MAP7D1: variants seen among roughly 807,000 people sequenced by gnomAD.
MAP7D1 encodes MAP7 domain containing 1.
In MAP7D1, 30 loss-of-function variants were observed where a neutral mutation model predicts 97.5. That is an observed-to-expected ratio of 0.31 (90% CI 0.23 to 0.42). MAP7D1 has a LOEUF of 0.42. Among genes scored for constraint, MAP7D1 ranks in the 10% least tolerant of loss-of-function variants. The pLI, the probability that MAP7D1 is intolerant of heterozygous loss-of-function variation, is 1.00. For synonymous variants in MAP7D1, 536 were observed against 477.1 expected (o/e 1.12, Z -1.61); for missense variants, 1,184 against 1,179.5 (o/e 1.00, Z -0.06).
rs940990014 is a variant in MAP7D1 at position 36,179,041 on chromosome 1, C to T, written c.2130+16C>T. 12 of 443,576 alleles carry T rather than the reference C, an allele frequency of 2.7e-5. No individual in the cohort carries two copies. Among genetic ancestry groups the T allele is most frequent in the Non-Finnish European group, 3.9e-5 (10 of 256,298 alleles). The allele number at this position is 443,576 out of a possible 1,614,324, so 27.5% of individuals were successfully genotyped here. Reference sequence around the variant, plus strand: ...GCGCAGAAAGGTGTGCGGACCTGGGCGGGGATTTGTGGGCGGGGCCTGGGC... The same window carrying T: ...GCGCAGAAAGGTGTGCGGACCTGGGTGGGGATTTGTGGGCGGGGCCTGGGC... On this transcript the variant is annotated intron_variant, in intron 12 of 16. Coordinates refer to ENST00000474796, the MANE Select transcript of MAP7D1 (RefSeq NM_001388490.1).
chr1:36,178,744 A>C lies in MAP7D1; in HGVS notation c.1946A>C (p.Glu649Ala). The change falls in exon 11 of 17, where the codon GAG becomes GCG. Residue 649 changes from glutamate to alanine, a missense_variant. Transcript: ENST00000474796. ...GAGGCCCGGGCGGAGCGGGAGGCGG[A>C]GGCCCGGAGGCGGGAGGAGCAGGAG... is the stretch of plus-strand genomic sequence containing the variant. ...EAEARAEREA[E>A]ARRREEQEAR... 2 of 1,544,276 alleles carry C rather than the reference A, an allele frequency of 1.3e-6. No individual in the cohort carries two copies. The highest frequency in any genetic ancestry group is 2.4e-5 in the East Asian group (1 of 40,828).
rs1644382900 is a variant in MAP7D1 at position 36,159,730 on chromosome 1, G to C, written c.46+3267G>C. 6.6e-6 allele frequency among the ~76,000 whole-genome samples: 1 copy of C among 152,230 alleles called. No individual in the cohort carries two copies. Among genetic ancestry groups the C allele is most frequent in the Admixed American group, 6.5e-5 (1 of 15,282 alleles). ...CTGCAGGGAAACCAGGTATAATGGT[G>C]TTAGTGTGCAGTGGGCTGTGCTTGT... On this transcript the variant is annotated intron_variant, in intron 1 of 16. Transcript: ENST00000474796. The surrounding 1 kb of genome is among the most constrained non-coding windows in gnomAD (Gnocchi z 5.4).
rs149189143 is a variant in MAP7D1 at position 36,179,036 on chromosome 1, C to T, written c.2130+11C>T. The T allele has an allele frequency of 4.5e-3, 5,175 of 1,152,116 alleles. 10 individuals carry two copies. Among genetic ancestry groups the T allele is most frequent in the Middle Eastern group, 8.6e-3 (33 of 3,830 alleles). The allele number at this position is 1,152,116 out of a possible 1,614,324, so 71.4% of individuals were successfully genotyped here. ...CAAGAGCGCAGAAAGGTGTGCGGACCTGGGCGGGGATTTGTGGGCGGGGCC... is the reference window on the plus strand; with the variant it reads ...CAAGAGCGCAGAAAGGTGTGCGGACTTGGGCGGGGATTTGTGGGCGGGGCC... On this transcript the variant is annotated intron_variant, in intron 12 of 16. Coordinates refer to ENST00000474796, the MANE Select transcript of MAP7D1 (RefSeq NM_001388490.1).
intron 2 of MAP7D1, 52 bp downstream of exon 2, chr1:36,171,367 G>A: frequency 6.5e-7 from 1 of 1,545,876 alleles, no homozygotes; most frequent in South Asian, 1.2e-5. Context: ...CAGGGTCCTG[G>A]CCCTGGATCA....
intron 8 of MAP7D1, chr1:36,177,630 C>T (rs930444308): frequency 2.7e-6 from 2 of 746,220 alleles, no homozygotes; most frequent in African/African-American, 1.8e-5. Flanking sequence ...ATGGTTTTTT[C>T]TCTTATTAAG....
intron 1 of MAP7D1, among the ~76,000 whole-genome samples, chr1:36,163,964 A>G (rs932857508): frequency 1.3e-5 from 2 of 151,568 alleles, no homozygotes; most frequent in African/African-American, 4.9e-5. Flanking sequence ...AGCTGGGACT[A>G]CAGGTGTGCA....
At position 36,156,457 on chromosome 1, in the gene MAP7D1, C is replaced by T. The variant is rs1393199768; in HGVS notation, c.40C>T (p.Pro14Ser). The T allele has an allele frequency of 2.0e-6, 3 of 1,466,826 alleles. No individual in the cohort carries two copies. The South Asian group carries it at 3.9e-5, about 19-fold the overall frequency. The allele number at this position is 1,466,826 out of a possible 1,614,324, so 90.9% of individuals were successfully genotyped here. ...GPRAELGAGA[P>S]PAVVARTPPE... ...GCGTGCGGAGCTGGGGGCGGGCGCA[C>T]CCCCAGGTATGCCGGGAGCCACGCG... The change falls in exon 1 of 17, where the codon CCC becomes TCC. Residue 14 changes from proline (P) to serine (S), a missense_variant. Pro to Ser is a moderately conservative substitution (Grantham distance 74, BLOSUM62 -1). Coordinates refer to ENST00000474796, the MANE Select transcript of MAP7D1 (RefSeq NM_001388490.1).
intron 6 of MAP7D1, among the ~76,000 whole-genome samples, chr1:36,175,370 T>C (rs1351445814): frequency 6.6e-6 from 1 of 152,114 alleles, no homozygotes; most frequent in Admixed American, 6.5e-5. Context: ...CCAGGTGGCA[T>C]TGTCCCCATG....
At chr1:36,163,973 C>T (rs1247604148) in intron 1 of MAP7D1, among the ~76,000 whole-genome samples, 5 of 151,946 alleles carry the variant, frequency 3.3e-5, no homozygotes, top group Middle Eastern at 3.4e-3. Context: ...TACAGGTGTG[C>T]ACAACCACGC....
In MAP7D1 at chr1:36,156,217, G is replaced by A. The variant is rs1023659778; in HGVS notation, c.-201G>A. 9.2e-6 allele frequency: 4 copies of A among 436,372 alleles called. No homozygotes were observed. Among genetic ancestry groups the A allele is most frequent in the African/African-American group, 8.3e-5 (4 of 48,276 alleles). 27.0% of individuals were successfully genotyped at this position (436,372 alleles called of 1,614,324 possible). The stretch of plus-strand genomic sequence containing the variant: ...GGCGGGGAACGGGTTCGCGACCGCA[G>A]CCGAGAGACCCCGGGCGACCGGCAC... On this transcript the variant is annotated 5_prime_UTR_variant, in exon 1 of 17. Transcript: ENST00000474796.
At chr1:36,156,598 A>C in intron 1 of MAP7D1, 135 bp downstream of exon 1, 1 of 650,348 alleles carries the variant, frequency 1.5e-6, no homozygotes, top group Non-Finnish European at 2.3e-6. Context: ...TTAAAAATAA[A>C]GGCTGCGGCG....
Position 36,159,650 on chromosome 1 carries a change from C to T in MAP7D1, c.46+3187C>T, listed in dbSNP as rs781071412. 3.3e-5 allele frequency among the ~76,000 whole-genome samples: 5 copies of T among 152,162 alleles called. No homozygotes were observed. Among genetic ancestry groups the T allele is most frequent in the Admixed American group, 1.3e-4 (2 of 15,274 alleles). On this transcript the variant is annotated intron_variant, in intron 1 of 16. Coordinates refer to ENST00000474796, the MANE Select transcript of MAP7D1 (RefSeq NM_001388490.1). The surrounding 1 kb of genome is among the most constrained non-coding windows in gnomAD (Gnocchi z 5.4). The stretch of plus-strand genomic sequence containing the variant: ...GTGGACGGCAGAGAAGTGAATCAGA[C>T]GGAGTTTTGACTCTTGGGGAGCTCT...
At chr1:36,171,654 G>A in intron 3 of MAP7D1, 73 bp downstream of exon 3, 5 of 1,515,252 alleles carry the variant, frequency 3.3e-6, no homozygotes, top group Non-Finnish European at 4.6e-6. Flanking sequence ...CCAACAGGCT[G>A]GGGCGCAGTG....
At position 36,178,826 on chromosome 1, in the gene MAP7D1, G is replaced by T; in HGVS notation, c.2025+3G>T. ...AGCAGGAGCGGCTGCAGAAGCAGGTGCCCCCGGCGGGCGGGAAGCGGCTGG... is the reference window on the plus strand; with the variant it reads ...AGCAGGAGCGGCTGCAGAAGCAGGTTCCCCCGGCGGGCGGGAAGCGGCTGG... On this transcript the variant is annotated splice_donor_region_variant and intron_variant, in intron 11 of 16. Transcript: ENST00000474796. 6.5e-7 allele frequency: 1 copy of T among 1,531,602 alleles called. No homozygotes were observed. The highest frequency in any genetic ancestry group is 8.7e-7 in the Non-Finnish European group (1 of 1,144,928). The allele number at this position is 1,531,602 out of a possible 1,614,324, so 94.9% of individuals were successfully genotyped here. A position where few individuals can be genotyped will look rare whatever the true frequency, so the allele number is the denominator to read the frequency against.
At position 36,178,197 on chromosome 1, in the gene MAP7D1, T is replaced by C; in HGVS notation, c.1704T>C (p.Pro568=). The C allele has an allele frequency of 6.9e-7, 1 of 1,457,020 alleles. No individual in the cohort carries two copies. The highest frequency in any genetic ancestry group is 2.7e-5 in the East Asian group (1 of 36,804). The allele number at this position is 1,457,020 out of a possible 1,614,324, so 90.3% of individuals were successfully genotyped here. The part of the protein sequence containing the change: ...PQKEQPPAET[P]TDAAVLTSPP... ...AGGAGCAGCCCCCCGCGGAGACCCCTACAGGTAGGAATGAAGAGAGGGGAG... is the reference window on the plus strand; with the variant it reads ...AGGAGCAGCCCCCCGCGGAGACCCCCACAGGTAGGAATGAAGAGAGGGGAG... The change falls in exon 9 of 17, where the codon CCT becomes CCC. Residue 568 remains proline, a synonymous_variant. Transcript: ENST00000474796.
Position 36,179,775 on chromosome 1 carries a change from AG to A in MAP7D1, c.2318+22del. The A allele has an allele frequency of 6.5e-7, 1 of 1,538,112 alleles. No homozygotes were observed. Among genetic ancestry groups the A allele is most frequent in the Non-Finnish European group, 8.7e-7 (1 of 1,145,032 alleles). On this transcript the variant is annotated intron_variant, in intron 15 of 16. Transcript: ENST00000474796. The stretch of plus-strand genomic sequence containing the variant: ...AGTGGAGGTACCAGCTTCCAATCCC[AG>A]GGTCCCTGAGCAGGGAGGCAGACTG...
rs376011085 is a variant in MAP7D1, at chr1:36,171,105, T to C, written c.181T>C (p.Ser61Pro). Residue 61 changes from serine (S) to proline (P), a missense_variant, in exon 2 of 17, where the codon TCT (serine) becomes CCT (proline). Physicochemically the swap from Ser to Pro is moderately conservative, Grantham distance 74. Coordinates refer to ENST00000474796, the MANE Select transcript of MAP7D1 (RefSeq NM_001388490.1). The stretch of plus-strand genomic sequence containing the variant: ...TCCTGCCATGAAGAATGCCACTAGC[T>C]CTAAGCAGCTCCCACTGGAACCAGA... ...TPPAMKNATSSKQLPLEPESP... is the reference protein window; with the variant it reads ...TPPAMKNATSPKQLPLEPESP... 1.1e-5 allele frequency: 17 copies of C among 1,592,340 alleles called. No homozygotes were observed. In the African/African-American group the frequency reaches 1.9e-4, roughly 17 times the overall value.
chr1:36,156,310 C>A lies in MAP7D1; in HGVS notation c.-108C>A. The A allele has an allele frequency of 1.1e-6, 1 of 927,066 alleles. No homozygotes were observed. The highest frequency in any genetic ancestry group is 1.5e-6 in the Non-Finnish European group (1 of 686,904). The allele number at this position is 927,066 out of a possible 1,614,324, so 57.4% of individuals were successfully genotyped here. ...GCCCCCGCCTCCGAGTCGCTACTTG[C>A]CGGGCCGGGCCGGGCCGGGCGTGAT... is the stretch of plus-strand genomic sequence containing the variant. On this transcript the variant is annotated 5_prime_UTR_variant, in exon 1 of 17. Transcript: ENST00000474796.
chr1:36,173,260 A>C, intron 4 of MAP7D1, 104 bp from the exon 5 acceptor site: 1 of 796,414 alleles, frequency 1.3e-6, no homozygotes, highest in Non-Finnish European at 2.1e-6. Context: ...ACTCCAAGGG[A>C]AGGGAGTGGG....
Sources: allele counts gnomAD v4.1 joint callset (sites outside exome capture counted in the v4.1 genomes callset), GRCh38; gene constraint gnomAD v4.1.1; non-coding constraint Gnocchi (gnomAD v3.1); transcripts MANE v1.5; gene names NCBI Gene and HGNC (gene_info 2026-07-23, HGNC 2026-07-21).